BEND5: variants seen among roughly 807,000 people sequenced by gnomAD.
The protein encoded by BEND5 is BEN domain-containing protein 5.
A neutral mutation model predicts 43.9 loss-of-function variants in BEND5; 22 were observed. That is an observed-to-expected ratio of 0.50 (90% CI 0.36 to 0.72). The LOEUF (loss-of-function observed/expected upper bound fraction) is 0.72, where lower values mean the gene tolerates loss of function less well. Among genes scored for constraint, BEND5 ranks in the 30% least tolerant of loss-of-function variants. The pLI, the probability that BEND5 is intolerant of heterozygous loss-of-function variation, is 0.00. For synonymous variants in BEND5, 228 were observed against 225.9 expected (o/e 1.01, Z -0.08); for missense variants, 428 against 550.6 (o/e 0.78, Z 2.23).
At chr1:48,745,792 C>A (rs1279055582) in intron 3 of BEND5, among the ~76,000 whole-genome samples, 1 of 152,256 alleles carries the variant, frequency 6.6e-6, no homozygotes, top group African/African-American at 2.4e-5. Flanking sequence ...ACTGGGTTTG[C>A]CACTTACTGT....
At chr1:48,748,638 G>T (rs1172225152) in intron 3 of BEND5, among the ~76,000 whole-genome samples, 2 of 152,172 alleles carry the variant, frequency 1.3e-5, no homozygotes, top group Non-Finnish European at 2.9e-5. Context: ...TTCTCATAAG[G>T]TGAAGGCAAG....
chr1:48,754,884 A>AC lies in BEND5; in HGVS notation c.745+4015dup, dbSNP rs201325153. Among the ~76,000 whole-genome samples, 353 of 152,274 alleles carry AC rather than the reference A, an allele frequency of 2.3e-3. 3 individuals carry two copies. In the East Asian group the frequency reaches 0.032, roughly 14 times the overall value. On this transcript the variant is annotated intron_variant, in intron 3 of 5. Transcript: ENST00000371833. ...TACGGGTGAGGGTCTAGAGAGAGGCACGCAGGACCAGGGGTCAGAAGACCC... is the reference window on the plus strand; with the variant it reads ...TACGGGTGAGGGTCTAGAGAGAGGCACCGCAGGACCAGGGGTCAGAAGACCC...
intron 1 of BEND5, among the ~76,000 whole-genome samples, chr1:48,774,733 A>G (rs1287757990): frequency 6.6e-6 from 1 of 152,328 alleles, no homozygotes; most frequent in East Asian, 1.9e-4. Flanking sequence ...TCAAAATCAG[A>G]GCTGGTGGGA....
intron 5 of BEND5, among the ~76,000 whole-genome samples, chr1:48,733,215 A>C (rs1648438427): frequency 6.6e-6 from 1 of 152,182 alleles, no homozygotes; most frequent in Middle Eastern, 3.2e-3. Flanking sequence ...TGAGTGATCA[A>C]ATATATTTAC....
intron 3 of BEND5, among the ~76,000 whole-genome samples, chr1:48,744,910 T>C (rs116556774): frequency 1.1e-3 from 169 of 152,318 alleles, no homozygotes; most frequent in Middle Eastern, 6.8e-3. Flanking sequence ...GAACACTACC[T>C]CATCTGTCTG....
chr1:48,747,254 A>G (rs1283460805), intron 3 of BEND5, among the ~76,000 whole-genome samples: 1 of 152,186 alleles, frequency 6.6e-6, no homozygotes. Context: ...TTTTTTTTAA[A>G]AAAGGGCTTT....
chr1:48,758,983 T>C lies in BEND5; in HGVS notation c.662A>G (p.Tyr221Cys), dbSNP rs1644105250. 1.2e-6 allele frequency: 2 copies of C among 1,613,452 alleles called. No homozygotes were observed. Among genetic ancestry groups the C allele is most frequent in the Non-Finnish European group, 1.7e-6 (2 of 1,179,832 alleles). The change falls in exon 3 of 6, where the codon TAC (tyrosine) becomes TGC (cysteine). Residue 221 changes from tyrosine (Y) to cysteine (C), a missense_variant. Coordinates refer to ENST00000371833, the MANE Select transcript of BEND5 (RefSeq NM_024603.4). ...LVQQAKKLKE[Y>C]GALVSEMKEL... ...CTTCATTTCAGACACAAGTGCCCCG[T>C]ACTCCTTGAGCTTCTTGGCCTGTTG...
chr1:48,761,303 A>G, intron 2 of BEND5, 34 bp downstream of exon 2: 1 of 1,532,102 alleles, frequency 6.5e-7, no homozygotes, highest in Non-Finnish European at 8.8e-7. Flanking sequence ...AAAATGCTCC[A>G]GCATACCTCC....
chr1:48,749,391 T>C (rs930912108), intron 3 of BEND5, among the ~76,000 whole-genome samples: 13 of 152,166 alleles, frequency 8.5e-5, no homozygotes, highest in African/African-American at 3.1e-4. Flanking sequence ...AACACGTGTT[T>C]AGCGAAAGAA....
At chr1:48,755,634 C>G (rs1652434141) in intron 3 of BEND5, among the ~76,000 whole-genome samples, 2 of 152,190 alleles carry the variant, frequency 1.3e-5, no homozygotes, top group South Asian at 4.1e-4. Context: ...TCTGGTTGTT[C>G]TCTGCCTTCT....
intron 3 of BEND5, among the ~76,000 whole-genome samples, chr1:48,746,433 C>T (rs1263291008): frequency 6.6e-6 from 1 of 152,170 alleles, no homozygotes; most frequent in Non-Finnish European, 1.5e-5. Context: ...TCAAGGTTCA[C>T]GACGGTCCCC....
rs138515018 is a variant in BEND5 at position 48,759,982 on chromosome 1, C to T, written c.361-698G>A. On this transcript the variant is annotated intron_variant, in intron 2 of 5. Transcript: ENST00000371833. ...TTGAAAGGTACTTTCAGTTTAACTG[C>T]CTCATGTTACAGGTGAGAAAACTGA... 6.0e-3 allele frequency among the ~76,000 whole-genome samples: 916 copies of T among 152,262 alleles called. 13 individuals are homozygous for T. The highest frequency in any genetic ancestry group is 0.017 in the Middle Eastern group (5 of 294).
At chr1:48,771,899 G>A (rs1271108889) in intron 1 of BEND5, among the ~76,000 whole-genome samples, 1 of 152,208 alleles carries the variant, frequency 6.6e-6, no homozygotes, top group African/African-American at 2.4e-5. Flanking sequence ...GCTAGTTGAG[G>A]GAGTGATAAA....
chr1:48,758,970 C>T lies in BEND5; in HGVS notation c.675G>A (p.Val225=). Residue 225 remains valine, a synonymous_variant, in exon 3 of 6, where the codon GTG becomes GTA. Coordinates refer to ENST00000371833, the MANE Select transcript of BEND5 (RefSeq NM_024603.4). The part of the protein sequence containing the change: ...AKKLKEYGAL[V]SEMKELRDLN... ...GGTCACGGAGCTCCTTCATTTCAGACACAAGTGCCCCGTACTCCTTGAGCT... is the reference window on the plus strand; with the variant it reads ...GGTCACGGAGCTCCTTCATTTCAGATACAAGTGCCCCGTACTCCTTGAGCT... 2 of 1,607,854 alleles carry T rather than the reference C, an allele frequency of 1.2e-6. No homozygotes were observed. The highest frequency in any genetic ancestry group is 1.3e-5 in the African/African-American group (1 of 74,712).
chr1:48,741,822 G>A (rs527894234), intron 4 of BEND5, among the ~76,000 whole-genome samples: 1 of 152,310 alleles, frequency 6.6e-6, no homozygotes, highest in Admixed American at 6.5e-5. Context: ...TGCCACAGTG[G>A]CAGAGAACAT....
intron 1 of BEND5, among the ~76,000 whole-genome samples, chr1:48,776,031 C>T (rs1182898268): frequency 6.6e-6 from 1 of 152,184 alleles, no homozygotes; most frequent in Non-Finnish European, 1.5e-5. Context: ...AGGTTCATGG[C>T]CTCCTCATCC....
intron 3 of BEND5, among the ~76,000 whole-genome samples, chr1:48,757,748 C>T (rs1644018711): frequency 6.6e-6 from 1 of 152,074 alleles, no homozygotes; most frequent in African/African-American, 2.4e-5. Context: ...AGCTTCATAT[C>T]TAAATATATT....
intron 1 of BEND5, among the ~76,000 whole-genome samples, chr1:48,772,712 T>G (rs1644896993): frequency 6.6e-6 from 1 of 152,096 alleles, no homozygotes; most frequent in Admixed American, 6.5e-5. Flanking sequence ...CTAAAAGCAA[T>G]TGGGAAAATA....
intron 3 of BEND5, among the ~76,000 whole-genome samples, chr1:48,752,713 T>C (rs115018277): frequency 0.026 from 3,950 of 152,244 alleles, 146 homozygotes; most frequent in African/African-American, 0.09. Context: ...ACCTACTATA[T>C]GCCAGCCTCC....
Sources: gnomAD v4.1 joint callset for allele counts (sites outside exome capture counted in the v4.1 genomes callset) on GRCh38, gnomAD v4.1.1 for gene constraint, MANE v1.5 for transcripts, NCBI Gene and HGNC (gene_info 2026-07-23, HGNC 2026-07-21) for gene names.